Variants in SLC26A8 observed in about 807,000 individuals in gnomAD.
The protein encoded by SLC26A8 is testis anion transporter 1.
Under a neutral mutation model 105.0 loss-of-function variants are expected in SLC26A8, and 70 were observed. The ratio of observed to expected loss-of-function variants is 0.67; its 90% CI spans 0.55 to 0.81. The LOEUF (loss-of-function observed/expected upper bound fraction) is 0.81, where lower values mean the gene tolerates loss of function less well. SLC26A8 is among the 40% of genes least tolerant of loss of function. SLC26A8 has a pLI of 0.00. For synonymous variants in SLC26A8, 415 were observed against 438.3 expected (o/e 0.95, Z 0.66); for missense variants, 998 against 1,181.8 (o/e 0.84, Z 2.28).
intron 2 of SLC26A8, among the ~76,000 whole-genome samples, chr6:36,013,215 T>C (rs7747610): frequency 6.8e-6 from 1 of 148,072 alleles, no homozygotes; most frequent in Non-Finnish European, 1.5e-5. Context: ...TTTTTTTTTT[T>C]AGATGGAGTC....
chr6:35,968,148 CT>C (rs1204924884), intron 11 of SLC26A8, among the ~76,000 whole-genome samples: 1 of 149,180 alleles, frequency 6.7e-6, no homozygotes, highest in East Asian at 2.0e-4. Context: ...ATAACTAACG[CT>C]TTTTTTTCTT....
chr6:36,014,729 A>C (rs1043177680), intron 2 of SLC26A8, among the ~76,000 whole-genome samples: 6 of 151,932 alleles, frequency 3.9e-5, no homozygotes, highest in Non-Finnish European at 1.5e-5. Context: ...AAAATACAAA[A>C]ATAAACGAGG....
At chr6:35,953,778 G>A (rs1268442835) in intron 17 of SLC26A8, among the ~76,000 whole-genome samples, 1 of 152,132 alleles carries the variant, frequency 6.6e-6, no homozygotes, top group African/African-American at 2.4e-5. Flanking sequence ...ACTTGCCTCG[G>A]GTCAGAAGGA....
chr6:35,977,392 C>A, intron 8 of SLC26A8, 41 bp from the exon 9 acceptor site: 1 of 1,587,490 alleles, frequency 6.3e-7, no homozygotes, highest in African/African-American at 1.4e-5. Context: ...TAGCAGGAAT[C>A]CTTTCTTGGT....
chr6:36,022,774 A>G (rs1562081001), intron 1 of SLC26A8, among the ~76,000 whole-genome samples: 1 of 151,726 alleles, frequency 6.6e-6, no homozygotes. Context: ...CTCCAGCTCC[A>G]TTATGTCTTT....
chr6:36,006,470 A>G (rs2127363708), intron 3 of SLC26A8, among the ~76,000 whole-genome samples: 1 of 152,256 alleles, frequency 6.6e-6, no homozygotes, highest in Non-Finnish European at 1.5e-5. Flanking sequence ...ACTATGTGCT[A>G]GGTGTTGTGG....
intron 1 of SLC26A8, among the ~76,000 whole-genome samples, chr6:36,023,908 G>A (rs1277196569): frequency 2.6e-5 from 4 of 152,116 alleles, no homozygotes; most frequent in Non-Finnish European, 4.4e-5. Context: ...GTCCTTAAGC[G>A]GATGACCATT....
chr6:35,959,503 C>A lies in SLC26A8; in HGVS notation c.1820G>T (p.Cys607Phe). 3.1e-6 allele frequency: 5 copies of A among 1,613,892 alleles called. No homozygotes were observed. The highest frequency in any genetic ancestry group is 4.2e-6 in the Non-Finnish European group (5 of 1,179,954). Residue 607 changes from cysteine to phenylalanine, a missense_variant, in exon 16 of 20, where the codon TGC becomes TTC. Cys to Phe is a radical substitution (Grantham distance 205). Transcript: ENST00000490799. Reference sequence around the variant, plus strand: ...ATCATCACAGTTGCAGAAACACCTGCAAATCTTTCCTCCTTGTAGATTGGT... The same window carrying A: ...ATCATCACAGTTGCAGAAACACCTGAAAATCTTTCCTCCTTGTAGATTGGT... Reference protein sequence around the residue: ...SDTNLQGGKICRCFCNCDDLE... With the variant: ...SDTNLQGGKIFRCFCNCDDLE...
chr6:35,984,327 T>TTA lies in SLC26A8; in HGVS notation c.943-2125_943-2124insTA, dbSNP rs1396104204. On this transcript the variant is annotated intron_variant, in intron 7 of 19. Transcript: ENST00000490799. Reference sequence around the variant, plus strand: ...TCTTTCTTCTTCTTCTTATTTTTTTTTTTTTTTTTTTTGAGACAGAGTCTT... The same window carrying TTA: ...TCTTTCTTCTTCTTCTTATTTTTTTTTATTTTTTTTTTTTGAGACAGAGTCTT... Among the ~76,000 whole-genome samples the TTA allele has an allele frequency of 2.1e-5, 3 of 145,742 alleles. No homozygotes were observed. In the East Asian group the frequency reaches 6.0e-4, roughly 29 times the overall value.
At chr6:36,002,708 A>C (rs1581686591) in intron 3 of SLC26A8, among the ~76,000 whole-genome samples, 1 of 129,358 alleles carries the variant, frequency 7.7e-6, no homozygotes, top group Admixed American at 8.5e-5. Flanking sequence ...TTTGCTTTTC[A>C]ATCTTTTTTT....
Position 35,994,316 on chromosome 6 carries a change from G to A in SLC26A8, c.628-1642C>T, listed in dbSNP as rs181950750. ...TTTTTAGTAGAGACAGGGTTTCACCGTGTTAGCCAGGATGGTCTCGATCTC... is the reference window on the plus strand; with the variant it reads ...TTTTTAGTAGAGACAGGGTTTCACCATGTTAGCCAGGATGGTCTCGATCTC... On this transcript the variant is annotated intron_variant, in intron 5 of 19. Coordinates refer to ENST00000490799, the MANE Select transcript of SLC26A8 (RefSeq NM_052961.4). Among the ~76,000 whole-genome samples, 782 of 151,552 alleles carry A rather than the reference G, an allele frequency of 5.2e-3. 4 individuals carry two copies. The highest frequency in any genetic ancestry group is 0.017 in the African/African-American group (686 of 41,322).
At chr6:35,968,591 G>GTGTGTGAAATATACATA (rs1364445434) in intron 11 of SLC26A8, among the ~76,000 whole-genome samples, 3 of 34,804 alleles carry the variant, frequency 8.6e-5, no homozygotes, top group Non-Finnish European at 1.8e-4. Context: ...ATGTGTGTAT[G>GTGTGTGAAATATACATA]TGTGTGTGTG....
chr6:35,977,891 C>T (rs1054233489), intron 8 of SLC26A8, among the ~76,000 whole-genome samples: 6 of 152,018 alleles, frequency 3.9e-5, no homozygotes, highest in African/African-American at 7.3e-5. Context: ...TCGAGATCAG[C>T]CTGGCCAACA....
At chr6:35,984,166 A>G (rs1333058152) in intron 7 of SLC26A8, among the ~76,000 whole-genome samples, 2 of 152,166 alleles carry the variant, frequency 1.3e-5, no homozygotes, top group Non-Finnish European at 2.9e-5. Flanking sequence ...AAAAAGGTTA[A>G]TGCCTAAATT....
chr6:35,948,243 C>A (rs78724843), intron 19 of SLC26A8, among the ~76,000 whole-genome samples: 5,328 of 152,210 alleles, frequency 0.035, 107 homozygotes, highest in Middle Eastern at 0.075. Flanking sequence ...ACACTGATGA[C>A]ATAGGACTTC....
intron 7 of SLC26A8, among the ~76,000 whole-genome samples, chr6:35,991,339 G>T (rs921585898): frequency 6.6e-6 from 1 of 150,578 alleles, no homozygotes; most frequent in African/African-American, 2.4e-5. Flanking sequence ...GGGAGGCAGA[G>T]GTTGCAGTGA....
At chr6:35,987,996 C>CCGCCTCCCGGGTTAA (rs1203498861) in intron 7 of SLC26A8, among the ~76,000 whole-genome samples, 1 of 151,372 alleles carries the variant, frequency 6.6e-6, no homozygotes, top group African/African-American at 2.4e-5. Context: ...ACTGCGACCT[C>CCGCCTCCCGGGTTAA]CGCCTCCCGG....
At chr6:35,967,491 C>T (rs565382786) in intron 11 of SLC26A8, among the ~76,000 whole-genome samples, 7 of 152,192 alleles carry the variant, frequency 4.6e-5, no homozygotes, top group Admixed American at 3.3e-4. Context: ...AATTAACACA[C>T]CTGGCATCTC....
chr6:35,974,193 C>T (rs1213446377), intron 10 of SLC26A8, among the ~76,000 whole-genome samples: 1 of 152,200 alleles, frequency 6.6e-6, no homozygotes, highest in Non-Finnish European at 1.5e-5. Context: ...TGGCGGATGC[C>T]TGTAATCCCA....
Sources: gnomAD v4.1 joint callset for allele counts (sites outside exome capture counted in the v4.1 genomes callset) on GRCh38, gnomAD v4.1.1 for gene constraint, MANE v1.5 for transcripts, NCBI Gene and HGNC (gene_info 2026-07-23, HGNC 2026-07-21) for gene names.